The following FBN1 variants were observed in gnomAD, a reference collection of about 807,000 sequenced individuals.
FBN1 encodes the protein fibrillin 1.
In FBN1, 29 loss-of-function variants were observed where a neutral mutation model predicts 365.1. That is an observed-to-expected ratio of 0.08 (90% CI 0.06 to 0.11). The LOEUF is 0.11. Among genes scored for constraint, FBN1 ranks in the 10% least tolerant of loss-of-function variants. The pLI, the probability that FBN1 is intolerant of heterozygous loss-of-function variation, is 1.00. For synonymous variants in FBN1, 1,210 were observed against 1,270.5 expected (o/e 0.95, Z 1.01); for missense variants, 2,476 against 3,703.2 (o/e 0.67, Z 8.60).
chr15:48,493,081 A>G (rs573682136), intron 23 of FBN1, among the ~76,000 whole-genome samples: 1 of 152,298 alleles, frequency 6.6e-6, no homozygotes, highest in East Asian at 1.9e-4. Context: ...AAAATGTACA[A>G]TCAATTCTAA....
Position 48,495,108 on chromosome 15 carries a change from A to C in FBN1, c.2677+15T>G, listed in dbSNP as rs1203122400. On this transcript the variant is annotated intron_variant, in intron 22 of 65. Transcript: ENST00000316623. Reference sequence around the variant, plus strand: ...ATTGGAGTGGTATAGGAACCACAGCATGGGTTTCTCTTACCAACTTGGCAT... The same window carrying C: ...ATTGGAGTGGTATAGGAACCACAGCCTGGGTTTCTCTTACCAACTTGGCAT... 2 of 1,613,866 alleles carry C rather than the reference A, an allele frequency of 1.2e-6. No individual in the cohort carries two copies. The highest frequency in any genetic ancestry group is 2.7e-5 in the African/African-American group (2 of 74,908).
intron 2 of FBN1, among the ~76,000 whole-genome samples, chr15:48,633,642 G>T (rs1241400860): frequency 6.6e-6 from 1 of 152,154 alleles, no homozygotes; most frequent in Admixed American, 6.5e-5. Context: ...CTAAAACTCT[G>T]CTACAGTATC....
chr15:48,464,136 A>G (rs764882103), intron 40 of FBN1, 115 bp from the exon 41 acceptor site: 13 of 993,364 alleles, frequency 1.3e-5, no homozygotes, highest in Non-Finnish European at 1.9e-5. Context: ...TTTTCAAATA[A>G]GATAACGAAA....
chr15:48,624,095 A>C (rs1889824335), intron 2 of FBN1, among the ~76,000 whole-genome samples: 1 of 152,094 alleles, frequency 6.6e-6, no homozygotes, highest in African/African-American at 2.4e-5. Flanking sequence ...ATCCTATTGG[A>C]ATCTTTTATA....
At chr15:48,484,073 T>A in intron 30 of FBN1, 130 bp from the exon 31 acceptor site, 1 of 934,680 alleles carries the variant, frequency 1.1e-6, no homozygotes, top group Admixed American at 2.0e-5. Flanking sequence ...CAAATCCAAA[T>A]GAAGCTTTGC....
intron 7 of FBN1, among the ~76,000 whole-genome samples, chr15:48,537,297 T>C (rs1269892560): frequency 6.6e-6 from 1 of 152,204 alleles, no homozygotes; most frequent in Admixed American, 6.5e-5. Flanking sequence ...AACCTTGCTT[T>C]GTGTTTCTAC....
rs139968815 is a variant in FBN1 at position 48,454,237 on chromosome 15, T to C, written c.5423-1553A>G. On this transcript the variant is annotated intron_variant, in intron 44 of 65. Coordinates refer to ENST00000316623, the MANE Select transcript of FBN1 (RefSeq NM_000138.5). The stretch of plus-strand genomic sequence containing the variant: ...CCAGCTGATGCAGGTGCTCCTGGTC[T>C]GTAGAGAGTGCTTTGAGGTACAGGG... 6.7e-4 allele frequency among the ~76,000 whole-genome samples: 102 copies of C among 152,356 alleles called. 2 individuals carry two copies. The East Asian group carries it at 6.9e-3, about 10-fold the overall frequency.
intron 2 of FBN1, among the ~76,000 whole-genome samples, chr15:48,635,866 C>T (rs1890082368): frequency 6.6e-6 from 1 of 152,218 alleles, no homozygotes; most frequent in African/African-American, 2.4e-5. Flanking sequence ...TCTAACAGAA[C>T]ATGCAAACAC....
chr15:48,536,986 C>A (rs2044018707), intron 7 of FBN1, among the ~76,000 whole-genome samples: 1 of 152,124 alleles, frequency 6.6e-6, no homozygotes, highest in African/African-American at 2.4e-5. Context: ...TGTTTCCTGC[C>A]AGACATCCAG....
At chr15:48,423,077 CT>C (rs2042955373) in intron 60 of FBN1, among the ~76,000 whole-genome samples, 1 of 152,232 alleles carries the variant, frequency 6.6e-6, no homozygotes, top group South Asian at 2.1e-4. Flanking sequence ...AACGCCTCAA[CT>C]TCTAAGTTGC....
chr15:48,628,834 A>C (rs1436899196), intron 2 of FBN1, among the ~76,000 whole-genome samples: 2 of 152,234 alleles, frequency 1.3e-5, no homozygotes, highest in Non-Finnish European at 2.9e-5. Context: ...GAATGCTAAT[A>C]ACACAAAAAG....
intron 8 of FBN1, among the ~76,000 whole-genome samples, chr15:48,533,700 A>G (rs1327214625): frequency 6.6e-6 from 1 of 152,222 alleles, no homozygotes; most frequent in African/African-American, 2.4e-5. Context: ...CCTTTTAACT[A>G]GAAAAACTTC....
chr15:48,504,091 T>A, intron 16 of FBN1, 152 bp from the exon 17 acceptor site: 1 of 980,100 alleles, frequency 1.0e-6, no homozygotes, highest in Non-Finnish European at 1.6e-6. Flanking sequence ...GAAGAAAAAA[T>A]AAACAAAAAC....
chr15:48,634,859 ACAC>A (rs1890064208), intron 2 of FBN1, among the ~76,000 whole-genome samples: 1 of 43,608 alleles, frequency 2.3e-5, no homozygotes, highest in African/African-American at 1.7e-4. Context: ...AAAAAAAACC[ACAC>A]ACACACACAC....
chr15:48,525,451 C>G (rs1422196483), intron 9 of FBN1, among the ~76,000 whole-genome samples: 1 of 152,160 alleles, frequency 6.6e-6, no homozygotes, highest in Non-Finnish European at 1.5e-5. Context: ...GGAAGTCTAA[C>G]ACTCACAGCA....
Position 48,421,510 on chromosome 15 carries a change from C to T in FBN1, c.7699+48G>A, listed in dbSNP as rs762300130. 5 of 1,603,134 alleles carry T rather than the reference C, an allele frequency of 3.1e-6. No individual in the cohort carries two copies. In the South Asian group the frequency reaches 3.4e-5, roughly 11 times the overall value. On this transcript the variant is annotated intron_variant, in intron 62 of 65. Coordinates refer to ENST00000316623, the MANE Select transcript of FBN1 (RefSeq NM_000138.5). The stretch of plus-strand genomic sequence containing the variant: ...AAGGTGCCAATAGCCACACAGGCCA[C>T]CTCCACAAGGATTCACCAGCTGGAT...
At chr15:48,560,310 T>C (rs950492680) in intron 6 of FBN1, among the ~76,000 whole-genome samples, 1 of 152,200 alleles carries the variant, frequency 6.6e-6, no homozygotes, top group East Asian at 1.9e-4. Context: ...CTTTACCACC[T>C]ACAAGCCTTA....
intron 32 of FBN1, among the ~76,000 whole-genome samples, chr15:48,479,210 T>G (rs1191170099): frequency 6.6e-6 from 1 of 152,178 alleles, no homozygotes; most frequent in Non-Finnish European, 1.5e-5. Flanking sequence ...TAAAAGAGCC[T>G]TAGTGACATG....
chr15:48,437,290 G>A (rs746112039), intron 52 of FBN1, 32 bp downstream of exon 52: 30 of 1,581,146 alleles, frequency 1.9e-5, no homozygotes, highest in Middle Eastern at 1.7e-4. Context: ...AGAATACTGA[G>A]AAATGCTGAG....
Sources: gnomAD v4.1 joint callset for allele counts (sites outside exome capture counted in the v4.1 genomes callset) on GRCh38, gnomAD v4.1.1 for gene constraint, MANE v1.5 for transcripts, NCBI Gene and HGNC (gene_info 2026-07-23, HGNC 2026-07-21) for gene names.